The following RFC2 variants were observed in gnomAD, a reference collection of about 807,000 sequenced individuals.
The protein encoded by RFC2 is A1 40 kDa subunit.
RFC2 carries 34 observed loss-of-function variants against 44.8 expected under a neutral mutation model. The ratio of observed to expected loss-of-function variants is 0.76; its 90% CI spans 0.58 to 1.01. The LOEUF (loss-of-function observed/expected upper bound fraction) is 1.01. Among genes scored for constraint, RFC2 ranks in the 50% least tolerant of loss-of-function variants. RFC2 has a pLI of 0.00. For synonymous variants in RFC2, 177 were observed against 168.9 expected (o/e 1.05, Z -0.37); for missense variants, 400 against 453.6 (o/e 0.88, Z 1.07).
intron 3 of RFC2, 128 bp downstream of exon 3, chr7:74,249,611 A>G (rs1290451781): frequency 2.6e-6 from 2 of 779,332 alleles, no homozygotes; most frequent in Non-Finnish European, 2.3e-6. Flanking sequence ...CTAGAGTGAA[A>G]CACTTCCCTT....
chr7:74,252,569 T>C, intron 1 of RFC2, 71 bp from the exon 2 acceptor site: 1 of 874,732 alleles, frequency 1.1e-6, no homozygotes, highest in South Asian at 1.3e-5. Context: ...ACCTAAGGGT[T>C]ATCCTGAGAG....
Position 74,246,673 on chromosome 7 carries a change from A to C in RFC2, c.423T>G (p.Asp141Glu). The C allele has an allele frequency of 6.2e-7, 1 of 1,606,920 alleles. No homozygotes were observed. Among genetic ancestry groups the C allele is most frequent in the Non-Finnish European group, 8.5e-7 (1 of 1,174,692 alleles). The change falls in exon 5 of 11, where the codon GAT becomes GAG. Residue 141 changes from aspartate (D) to glutamate (E), a missense_variant. Physicochemically the swap from Asp to Glu is conservative, Grantham distance 45. Transcript: ENST00000055077. ...PKGRHKIIIL[D>E]EADSMTDGAQ... ...GCAAAGCACTCTACCTGTCTGCTTC[A>C]TCCAGAATGATGATCTTATGTCGGC...
At chr7:74,249,687 A>C (rs1435578144) in intron 3 of RFC2, 52 bp downstream of exon 3, 32 of 1,460,778 alleles carry the variant, frequency 2.2e-5, no homozygotes, top group Non-Finnish European at 3.1e-5. Context: ...AGTTCAGCGG[A>C]CAGTGGGATG....
intron 7 of RFC2, 30 bp from the exon 8 acceptor site, chr7:74,239,018 G>T: frequency 6.3e-7 from 1 of 1,578,046 alleles, no homozygotes; most frequent in Non-Finnish European, 8.7e-7. Context: ...TGTCAAGGAT[G>T]ATTTTTATAT....
rs1554721316 is a variant in RFC2, at chr7:74,252,468, A to G, written c.144T>C (p.Asn48=). 2 of 1,609,020 alleles carry G rather than the reference A, an allele frequency of 1.2e-6. No homozygotes were observed. Among genetic ancestry groups the G allele is most frequent in the East Asian group, 2.2e-5 (1 of 44,826 alleles). Residue 48 remains asparagine, a synonymous_variant, in exon 2 of 11, where the codon AAT becomes AAC. Coordinates refer to ENST00000055077, the MANE Select transcript of RFC2 (RefSeq NM_181471.3). ...CGGTGTCTTCATTCCCGACAATTTC[A>G]TTCAGCTTTACTGGCCTATATTTTT... ...WVEKYRPVKL[N]EIVGNEDTVS...
In RFC2 at chr7:74,235,513, T is replaced by C. The variant is rs1554718134; in HGVS notation, c.954+19A>G. 6.9e-7 allele frequency: 1 copy of C among 1,456,784 alleles called. No homozygotes were observed. Among genetic ancestry groups the C allele is most frequent in the Non-Finnish European group, 9.6e-7 (1 of 1,036,816 alleles). 90.2% of individuals were successfully genotyped at this position (1,456,784 alleles called of 1,614,324 possible). On this transcript the variant is annotated intron_variant, in intron 10 of 10. Transcript: ENST00000055077. ...GGCCACATTCTTGAGGACAGAGGCATTTCTACATTCTCACCGACCTTGATA... is the reference window on the plus strand; with the variant it reads ...GGCCACATTCTTGAGGACAGAGGCACTTCTACATTCTCACCGACCTTGATA...
Position 74,246,515 on chromosome 7 carries a change from A to C in RFC2, c.434+147T>G, listed in dbSNP as rs1803618954. The C allele has an allele frequency of 4.6e-6, 2 of 436,482 alleles. 1 individual carries two copies. Among genetic ancestry groups the C allele is most frequent in the South Asian group, 8.8e-5 (2 of 22,712 alleles). The allele number at this position is 436,482 out of a possible 1,614,324, so 27.0% of individuals were successfully genotyped here. ...TGTTTGTAAGTTACTTAATAAAGATAAGATTTAAGGTGCAGGCCCCTATTA... is the reference window on the plus strand; with the variant it reads ...TGTTTGTAAGTTACTTAATAAAGATCAGATTTAAGGTGCAGGCCCCTATTA... On this transcript the variant is annotated intron_variant, in intron 5 of 10. Transcript: ENST00000055077.
At chr7:74,237,526 A>G (rs994946475) in intron 8 of RFC2, 84 bp from the exon 9 acceptor site, 9 of 748,748 alleles carry the variant, frequency 1.2e-5, no homozygotes, top group Admixed American at 8.8e-5. Flanking sequence ...CTTCCAGGCA[A>G]TCTATGGGTA....
intron 3 of RFC2, 25 bp downstream of exon 3, chr7:74,249,707 GACACTCA>G (rs1803825060): frequency 6.3e-7 from 1 of 1,589,588 alleles, no homozygotes; most frequent in Non-Finnish European, 8.6e-7. Flanking sequence ...GAGACATGGA[GACACTCA>G]ACAGGCCCAG....
At chr7:74,248,400 CAGG>C (rs781818969) in intron 4 of RFC2, among the ~76,000 whole-genome samples, 43 of 151,728 alleles carry the variant, frequency 2.8e-4, no homozygotes, top group Admixed American at 5.9e-4. Flanking sequence ...CAGGCCAAGG[CAGG>C]AGGATTGCTT....
At chr7:74,243,545 C>A (rs1803449412) in intron 5 of RFC2, among the ~76,000 whole-genome samples, 1 of 151,930 alleles carries the variant, frequency 6.6e-6, no homozygotes. Flanking sequence ...CTTCATGACA[C>A]AAATTCAGGA....
At chr7:74,239,341 T>C (rs1241490178) in intron 7 of RFC2, among the ~76,000 whole-genome samples, 2 of 149,920 alleles carry the variant, frequency 1.3e-5, no homozygotes, top group East Asian at 1.9e-4. Flanking sequence ...ATGCCCAGCT[T>C]TTTTTTTTGA....
chr7:74,254,351 G>A lies in RFC2; in HGVS notation c.33C>T (p.Gly11=), dbSNP rs1787158070. The change falls in exon 1 of 11, where the codon GGC becomes GGT. Residue 11 remains glycine, a synonymous_variant. Transcript: ENST00000055077. MEVEAVCGGA[G]EVEAQDSDPA... is the part of the protein sequence containing the mutation. ...GGTCAGAGTCCTGGGCCTCCACCTCGCCCGCGCCACCACAGACGGCCTCCA... is the reference window on the plus strand; with the variant it reads ...GGTCAGAGTCCTGGGCCTCCACCTCACCCGCGCCACCACAGACGGCCTCCA... 3.7e-6 allele frequency: 6 copies of A among 1,609,158 alleles called. No homozygotes were observed. The African/African-American group carries it at 4.0e-5, about 11-fold the overall frequency.
chr7:74,245,006 ATTC>A (rs1803519694), intron 5 of RFC2, among the ~76,000 whole-genome samples: 1 of 151,188 alleles, frequency 6.6e-6, no homozygotes, highest in Non-Finnish European at 1.5e-5. Flanking sequence ...AGGGTTCTAT[ATTC>A]TTTTCTTAAT....
At chr7:74,248,183 T>C (rs1554720375) in intron 4 of RFC2, among the ~76,000 whole-genome samples, 1 of 152,048 alleles carries the variant, frequency 6.6e-6, no homozygotes, top group African/African-American at 2.4e-5. Flanking sequence ...GGTTTTTTTT[T>C]CACATTTTGG....
chr7:74,242,976 T>C (rs1803421683), intron 6 of RFC2, among the ~76,000 whole-genome samples, 170 bp downstream of exon 6: 2 of 150,062 alleles, frequency 1.3e-5, no homozygotes, highest in Non-Finnish European at 3.0e-5. Context: ...TCTCAGCTAC[T>C]GGGAGGCTGA....
intron 3 of RFC2, 100 bp downstream of exon 3, chr7:74,249,639 G>A: frequency 1.0e-6 from 1 of 967,056 alleles, no homozygotes; most frequent in Non-Finnish European, 1.7e-6. Flanking sequence ...GGAATGGGAA[G>A]GGGCTCTCCA....
In RFC2 at chr7:74,254,154, C is replaced by G. The variant is rs1310857857; in HGVS notation, c.113+117G>C. ...ATCTCGATGCCACCCGGGGCCTCCT[C>G]CTCCCTCGGGATTCCCCAAAACGAG... is the stretch of plus-strand genomic sequence containing the variant. On this transcript the variant is annotated intron_variant, in intron 1 of 10. Transcript: ENST00000055077. 3.9e-5 allele frequency: 30 copies of G among 762,102 alleles called. 1 individual carries two copies. The highest frequency in any genetic ancestry group is 2.3e-4 in the Middle Eastern group (1 of 4,434). 47.2% of individuals were successfully genotyped at this position (762,102 alleles called of 1,614,324 possible).
rs1554719497 is a variant in RFC2 at position 74,243,200 on chromosome 7, A to C, written c.481T>G (p.Tyr161Asp). 29 of 1,614,024 alleles carry C rather than the reference A, an allele frequency of 1.8e-5. No homozygotes were observed. Among genetic ancestry groups the C allele is most frequent in the Non-Finnish European group, 2.5e-5 (29 of 1,179,900 alleles). Residue 161 changes from tyrosine to aspartate, a missense_variant, in exon 6 of 11, where the codon TAC becomes GAC. Tyr to Asp is a radical substitution (Grantham distance 160). Transcript: ENST00000055077. ...QQALRRTMEI[Y>D]SKTTRFALAC... ...AGGGCGAAGCGAGTGGTTTTAGAGT[A>C]GATTTCCATGGTTCTCCTCAAGGCT... is the stretch of plus-strand genomic sequence containing the variant.
Sources: gnomAD v4.1 joint callset for allele counts (sites outside exome capture counted in the v4.1 genomes callset) on GRCh38, gnomAD v4.1.1 for gene constraint, MANE v1.5 for transcripts, NCBI Gene and HGNC (gene_info 2026-07-23, HGNC 2026-07-21) for gene names.